The following SANBR variants were observed in gnomAD, a reference collection of about 807,000 sequenced individuals.
The protein encoded by SANBR is SANT and BTB domain regulator of class switch recombination.
SANBR carries 77 observed loss-of-function variants against 101.8 expected under a neutral mutation model. The ratio of observed to expected loss-of-function variants is 0.76; its 90% CI spans 0.63 to 0.91. SANBR has a LOEUF of 0.91. Among genes scored for constraint, SANBR ranks in the 40% least tolerant of loss-of-function variants. The pLI is 0.00. For synonymous variants in SANBR, 279 were observed against 274.7 expected, an observed-to-expected ratio of 1.02 and a Z score of -0.15; for missense variants, 875 against 853.0, an observed-to-expected ratio of 1.03 and a Z score of -0.32.
Position 61,122,653 on chromosome 2 carries a change from T to G in SANBR, c.*491T>G. ...TGCTAATTTTAAGTCTGCATGAATA[T>G]TAAGGAGTGACAGGTCTCAAGACTG... On this transcript the variant is annotated 3_prime_UTR_variant, in exon 22 of 22. Transcript: ENST00000402291. 1.0e-6 allele frequency: 1 copy of G among 986,586 alleles called. No homozygotes were observed. Among genetic ancestry groups the G allele is most frequent in the Non-Finnish European group, 1.2e-6 (1 of 830,706 alleles). 61.1% of individuals were successfully genotyped at this position (986,586 alleles called of 1,614,324 possible).
intron 11 of SANBR, among the ~76,000 whole-genome samples, chr2:61,097,143 G>C (rs990408942): frequency 2.6e-5 from 4 of 152,178 alleles, no homozygotes; most frequent in African/African-American, 9.7e-5. Flanking sequence ...AACAGAGCGA[G>C]ATTCCATCTC....
chr2:61,109,645 T>A (rs1329242118), intron 16 of SANBR, among the ~76,000 whole-genome samples: 1 of 151,902 alleles, frequency 6.6e-6, no homozygotes, highest in African/African-American at 2.4e-5. Flanking sequence ...ATGTATGATT[T>A]TTTTTTTTAG....
intron 12 of SANBR, 91 bp from the exon 13 acceptor site, chr2:61,103,760 CAA>C: frequency 6.1e-6 from 7 of 1,141,002 alleles, no homozygotes; most frequent in Non-Finnish European, 7.6e-6. Context: ...ATGTATATGA[CAA>C]TATGACTTGG....
At chr2:61,102,913 A>G (rs951938234) in intron 12 of SANBR, among the ~76,000 whole-genome samples, 1 of 152,044 alleles carries the variant, frequency 6.6e-6, no homozygotes, top group Admixed American at 6.6e-5. Flanking sequence ...TATACTGCTG[A>G]TGGTAATATA....
chr2:61,122,034 T>C, intron 21 of SANBR, 92 bp from the exon 22 acceptor site: 1 of 1,492,260 alleles, frequency 6.7e-7, no homozygotes, highest in Non-Finnish European at 9.0e-7. Flanking sequence ...TATTAAACCT[T>C]GATGTTGCCA....
chr2:61,107,681 T>C (rs1683639489), intron 14 of SANBR, among the ~76,000 whole-genome samples: 1 of 152,036 alleles, frequency 6.6e-6, no homozygotes, highest in African/African-American at 2.4e-5. Flanking sequence ...AGATCAGGAG[T>C]CCAAGACCAG....
At chr2:61,078,524 C>A in intron 6 of SANBR, among the ~76,000 whole-genome samples, 1 of 152,076 alleles carries the variant, frequency 6.6e-6, no homozygotes, top group South Asian at 2.1e-4. Context: ...CGGGTTCAAG[C>A]GGTTCTCCTG....
At chr2:61,079,929 G>C (rs983511297) in intron 6 of SANBR, among the ~76,000 whole-genome samples, 4 of 151,188 alleles carry the variant, frequency 2.6e-5, no homozygotes, top group Non-Finnish European at 5.9e-5. Context: ...CCGGCACTCT[G>C]GCTCACGCCT....
At chr2:61,106,436 A>C in intron 13 of SANBR, 127 bp from the exon 14 acceptor site, 1 of 541,942 alleles carries the variant, frequency 1.8e-6, no homozygotes, top group East Asian at 4.0e-5. Flanking sequence ...TGTTGACGTG[A>C]TATCCTTATA....
At chr2:61,081,112 TAA>T (rs1288957600) in intron 6 of SANBR, among the ~76,000 whole-genome samples, 1 of 152,192 alleles carries the variant, frequency 6.6e-6, no homozygotes, top group Non-Finnish European at 1.5e-5. Flanking sequence ...ATTAATCATT[TAA>T]AAAGTTTTCT....
At chr2:61,076,853 T>C in intron 5 of SANBR, 67 bp from the exon 6 acceptor site, 2 of 1,096,250 alleles carry the variant, frequency 1.8e-6, no homozygotes, top group Admixed American at 4.0e-5. Context: ...CTTCACTAAA[T>C]GTCAGTATTC....
chr2:61,074,187 A>G (rs1245708789), intron 5 of SANBR, among the ~76,000 whole-genome samples: 2 of 152,188 alleles, frequency 1.3e-5, no homozygotes, highest in African/African-American at 4.8e-5. Context: ...TTTCAAGAAC[A>G]GCTTGCTTTA....
chr2:61,079,454 G>C (rs1032398826), intron 6 of SANBR, among the ~76,000 whole-genome samples: 7 of 152,120 alleles, frequency 4.6e-5, no homozygotes, highest in Non-Finnish European at 7.4e-5. Context: ...TGCTGACAGT[G>C]TAAAAGTTTT....
At chr2:61,118,949 G>A (rs1439203133) in intron 20 of SANBR, among the ~76,000 whole-genome samples, 1 of 152,068 alleles carries the variant, frequency 6.6e-6, no homozygotes, top group Non-Finnish European at 1.5e-5. Context: ...ATGGTCCATA[G>A]GTCATCTATA....
chr2:61,085,452 T>C (rs1175712349), intron 8 of SANBR, among the ~76,000 whole-genome samples: 1 of 152,166 alleles, frequency 6.6e-6, no homozygotes, highest in South Asian at 2.1e-4. Flanking sequence ...TGTTTCCGAA[T>C]TGTCCTTTGT....
intron 8 of SANBR, among the ~76,000 whole-genome samples, chr2:61,086,535 A>T (rs747415288): frequency 2.2e-4 from 34 of 152,172 alleles, no homozygotes; most frequent in Non-Finnish European, 4.0e-4. Context: ...CCAGTGAAGT[A>T]GAAAGAAAGG....
chr2:61,066,923 C>A (rs1188988360), intron 1 of SANBR, among the ~76,000 whole-genome samples: 1 of 152,032 alleles, frequency 6.6e-6, no homozygotes, highest in African/African-American at 2.4e-5. Flanking sequence ...TGGTAAATAA[C>A]GTATTTTACC....
chr2:61,122,331 A>G lies in SANBR; in HGVS notation c.*169A>G. On this transcript the variant is annotated 3_prime_UTR_variant, in exon 22 of 22. Coordinates refer to ENST00000402291, the MANE Select transcript of SANBR (RefSeq NM_001129993.3). ...GAAATGCATAGTTAGGTTTTATGAA[A>G]ATCTAATTGTAAATATGAAACTTTT... 8.0e-7 allele frequency: 1 copy of G among 1,244,918 alleles called. No homozygotes were observed. The highest frequency in any genetic ancestry group is 1.5e-5 in the African/African-American group (1 of 65,568). 77.1% of individuals were successfully genotyped at this position (1,244,918 alleles called of 1,614,324 possible).
rs188403181 is a variant in SANBR at position 61,107,727 on chromosome 2, A to G, written c.1612-590A>G. ...ATGGCGAAACCCTGTCTTTACTAAA[A>G]ATACAAAATTTAGCTGGGCGCAGTG... On this transcript the variant is annotated intron_variant, in intron 14 of 21. Coordinates refer to ENST00000402291, the MANE Select transcript of SANBR (RefSeq NM_001129993.3). 2.2e-3 allele frequency among the ~76,000 whole-genome samples: 339 copies of G among 152,246 alleles called. 2 individuals carry two copies. Among genetic ancestry groups the G allele is most frequent in the Non-Finnish European group, 2.5e-3 (173 of 68,014 alleles).
Sources: gnomAD v4.1 joint callset for allele counts (sites outside exome capture counted in the v4.1 genomes callset) on GRCh38, gnomAD v4.1.1 for gene constraint, MANE v1.5 for transcripts, NCBI Gene and HGNC (gene_info 2026-07-23, HGNC 2026-07-21) for gene names.